UGT1A3: variants seen among roughly 807,000 people sequenced by gnomAD.
UGT1A3 encodes UDP-glucuronosyltransferase 1A3.
Under a neutral mutation model 41.0 loss-of-function variants are expected in UGT1A3, and 31 were observed. The ratio of observed to expected loss-of-function variants is 0.76; its 90% confidence interval spans 0.57 to 1.02. The LOEUF is 1.02. Ranked by LOEUF, UGT1A3 falls within the 50% of genes least tolerant of loss-of-function variation. UGT1A3 has a pLI of 0.00. For synonymous variants in UGT1A3, 262 were observed against 257.6 expected, an observed-to-expected ratio of 1.02 and a Z score of -0.17; for missense variants, 737 against 671.0, an observed-to-expected ratio of 1.10 and a Z score of -1.09.
intron 1 of UGT1A3, 25 bp from the exon 2 acceptor site, chr2:233,767,005 TTAAC>T (rs753326341): frequency 3.7e-6 from 6 of 1,613,726 alleles, no homozygotes; most frequent in Non-Finnish European, 5.1e-6. Flanking sequence ...TGAGAAAAAA[TTAAC>T]TGAAAATTTT....
intron 1 of UGT1A3, chr2:233,761,265 GC>G: frequency 2.5e-6 from 4 of 1,595,896 alleles, no homozygotes; most frequent in Non-Finnish European, 3.4e-6. Context: ...AATTTAAAAT[GC>G]CCTCTTTTGT....
At chr2:233,732,500 A>G (rs1425812715) in intron 1 of UGT1A3, among the ~76,000 whole-genome samples, 1 of 152,238 alleles carries the variant, frequency 6.6e-6, no homozygotes, top group Non-Finnish European at 1.5e-5. Context: ...GGCGTAAGGA[A>G]GGGATCCTGT....
chr2:233,762,413 T>A (rs977567909), intron 1 of UGT1A3, among the ~76,000 whole-genome samples: 9 of 152,252 alleles, frequency 5.9e-5, no homozygotes, highest in African/African-American at 2.2e-4. Flanking sequence ...GGTTGCTTTT[T>A]CTACAAAATA....
chr2:233,757,065 T>C (rs1273460805), intron 1 of UGT1A3, among the ~76,000 whole-genome samples: 1 of 151,244 alleles, frequency 6.6e-6, no homozygotes, highest in Non-Finnish European at 1.5e-5. Flanking sequence ...CAGCAAGGGA[T>C]CCAGAATGGC....
chr2:233,760,927 C>T (rs1225128510), intron 1 of UGT1A3: 3 of 1,614,216 alleles, frequency 1.9e-6, no homozygotes, highest in Non-Finnish European at 2.5e-6. Flanking sequence ...GAAGAACATG[C>T]TCATTGCCTT....
chr2:233,731,619 C>CT (rs1415396682), intron 1 of UGT1A3, among the ~76,000 whole-genome samples: 1 of 152,134 alleles, frequency 6.6e-6, no homozygotes, highest in Non-Finnish European at 1.5e-5. Context: ...TGAACTCATC[C>CT]TTTTTTATGG....
chr2:233,765,405 A>G (rs568434598), intron 1 of UGT1A3, among the ~76,000 whole-genome samples: 1 of 152,328 alleles, frequency 6.6e-6, no homozygotes, highest in South Asian at 2.1e-4. Context: ...GTACATATAC[A>G]CCATGGAATA....
intron 2 of UGT1A3, 65 bp downstream of exon 2, chr2:233,767,230 G>C: frequency 2.5e-6 from 4 of 1,610,018 alleles, no homozygotes; most frequent in South Asian, 2.2e-5. Context: ...CAGACTTCCA[G>C]CTTCCAGATT....
rs145239529 is a variant in UGT1A3, at chr2:233,769,464, CGT to C, written c.1307+1039_1307+1040del. ...GGGTGCACACGTGTGCATTCATATGCGTGTGTGTGTGTGTGCGTGTGTTTATG... is the reference window on the plus strand; with the variant it reads ...GGGTGCACACGTGTGCATTCATATGCGTGTGTGTGTGTGCGTGTGTTTATG... On this transcript the variant is annotated intron_variant, in intron 4 of 4. Transcript: ENST00000482026. The surrounding 1 kb of genome is among the most constrained non-coding windows in gnomAD (Gnocchi z 4.4). 2,957 of 1,414,482 alleles carry C rather than the reference CGT, an allele frequency of 2.1e-3. No individual in the cohort carries two copies. Among genetic ancestry groups the C allele is most frequent in the Admixed American group, 4.4e-3 (235 of 53,304 alleles). The allele number at this position is 1,414,482 out of a possible 1,614,324, so 87.6% of individuals were successfully genotyped here. A position where few individuals can be genotyped will look rare whatever the true frequency, so the allele number is the denominator to read the frequency against.
At chr2:233,735,916 G>A (rs182665210) in intron 1 of UGT1A3, among the ~76,000 whole-genome samples, 217 of 152,260 alleles carry the variant, frequency 1.4e-3, no homozygotes, top group South Asian at 0.012. Context: ...TGGGTAACCC[G>A]ACCTTTCTCT....
At chr2:233,758,762 G>A (rs1375846813) in intron 1 of UGT1A3, among the ~76,000 whole-genome samples, 1 of 152,150 alleles carries the variant, frequency 6.6e-6, no homozygotes, top group Non-Finnish European at 1.5e-5. Flanking sequence ...TGATGTGTAT[G>A]GTTCAAATGT....
chr2:233,754,988 A>G (rs756949361), intron 1 of UGT1A3: 25 of 1,295,926 alleles, frequency 1.9e-5, no homozygotes, highest in African/African-American at 1.2e-4. Flanking sequence ...CGGCGGGGTC[A>G]CGGAAGCTGA....
At position 233,760,448 on chromosome 2, in the gene UGT1A3, G is replaced by T. The variant is rs770426284; in HGVS notation, c.868-6586G>T. On this transcript the variant is annotated intron_variant, in intron 1 of 4. Coordinates refer to ENST00000482026, the MANE Select transcript of UGT1A3 (RefSeq NM_019093.4). ...GCCATCCAGCAGCTGCAGCAGAGGGGACATGAAATAGTTGTCCTAGCACCT... is the reference window on the plus strand; with the variant it reads ...GCCATCCAGCAGCTGCAGCAGAGGGTACATGAAATAGTTGTCCTAGCACCT... The T allele has an allele frequency of 1.2e-5, 19 of 1,614,238 alleles. No individual in the cohort carries two copies. In the Middle Eastern group the frequency reaches 1.3e-3, roughly 112 times the overall value.
At chr2:233,748,450 A>G (rs1693947199) in intron 1 of UGT1A3, among the ~76,000 whole-genome samples, 1 of 151,796 alleles carries the variant, frequency 6.6e-6, no homozygotes, top group South Asian at 2.1e-4. Flanking sequence ...CACAATTTTC[A>G]GGGGAAAGAT....
In UGT1A3 at chr2:233,729,869, T is replaced by C. The variant is rs1226699407; in HGVS notation, c.743T>C (p.Ile248Thr). The change falls in exon 1 of 5, where the codon ATT (isoleucine) becomes ACT (threonine). Residue 248 changes from isoleucine (I) to threonine (T), a missense_variant. Transcript: ENST00000482026. Reference protein sequence around the residue: ...LFQREVSVVDILSHASVWLFR... With the variant: ...LFQREVSVVDTLSHASVWLFR... ...CAGAGAGAGGTGTCAGTGGTGGATA[T>C]TCTCAGTCATGCATCTGTGTGGCTG... 2.5e-6 allele frequency: 4 copies of C among 1,613,726 alleles called. No homozygotes were observed. The highest frequency in any genetic ancestry group is 4.5e-5 in the East Asian group (2 of 44,890).
In UGT1A3 at chr2:233,729,694, C is replaced by G; in HGVS notation, c.568C>G (p.Pro190Ala). The G allele has an allele frequency of 1.9e-6, 3 of 1,613,908 alleles. No homozygotes were observed. The highest frequency in any genetic ancestry group is 2.5e-6 in the Non-Finnish European group (3 of 1,179,850). Reference protein sequence around the residue: ...LDFKGTQCPNPSSYIPRLLTT... With the variant: ...LDFKGTQCPNASSYIPRLLTT... ...CTTTAAGGGCACACAGTGTCCAAAC[C>G]CTTCCTCCTATATTCCTAGATTACT... The change falls in exon 1 of 5, where the codon CCT becomes GCT. Residue 190 changes from proline to alanine, a missense_variant. Coordinates refer to ENST00000482026, the MANE Select transcript of UGT1A3 (RefSeq NM_019093.4).
Position 233,772,379 on chromosome 2 carries a change from G to A in UGT1A3, c.1425G>A (p.Leu475=), listed in dbSNP as rs1255487594. ...FVMRHKGAPH[L]RPAAHDLTWY... is the part of the protein sequence containing the mutation. ...TGAGGCACAAGGGCGCGCCACACCTGCGCCCCGCAGCCCACGACCTCACCT... is the reference window on the plus strand; with the variant it reads ...TGAGGCACAAGGGCGCGCCACACCTACGCCCCGCAGCCCACGACCTCACCT... The change falls in exon 5 of 5, where the codon CTG becomes CTA. Residue 475 remains leucine, a synonymous_variant. Transcript: ENST00000482026. 1.2e-6 allele frequency: 2 copies of A among 1,614,130 alleles called. No individual in the cohort carries two copies. The highest frequency in any genetic ancestry group is 2.7e-5 in the African/African-American group (2 of 74,950).
At chr2:233,762,417 C>T (rs1698066612) in intron 1 of UGT1A3, among the ~76,000 whole-genome samples, 1 of 152,158 alleles carries the variant, frequency 6.6e-6, no homozygotes, top group Admixed American at 6.5e-5. Flanking sequence ...GCTTTTTCTA[C>T]AAAATAGAGT....
intron 4 of UGT1A3, chr2:233,770,791 A>G (rs1255344851): frequency 2.0e-5 from 3 of 152,202 alleles, no homozygotes; most frequent in Admixed American, 6.5e-5. Flanking sequence ...AACATTATAG[A>G]TATGTTTAAA....
Sources: allele counts gnomAD v4.1 joint callset (sites outside exome capture counted in the v4.1 genomes callset), GRCh38; gene constraint gnomAD v4.1.1; non-coding constraint Gnocchi (gnomAD v3.1); transcripts MANE v1.5; gene names NCBI Gene and HGNC (gene_info 2026-07-23, HGNC 2026-07-21).